LRRC37A: variants seen among roughly 807,000 people sequenced by gnomAD.
LRRC37A encodes leucine-rich repeat-containing protein 37A.
LRRC37A carries 3 observed loss-of-function variants against 35.4 expected under a neutral mutation model. The observed-to-expected ratio is 0.08, with a 90% CI of 0.04 to 0.22. The LOEUF is 0.22. LRRC37A is among the 10% of genes least tolerant of loss of function. The pLI, the probability that LRRC37A is intolerant of heterozygous loss-of-function variation, is 1.00. For missense variants in LRRC37A, 67 were observed against 565.3 expected, an observed-to-expected ratio of 0.12 and a Z score of 8.94; for synonymous variants, 23 against 215.0, an observed-to-expected ratio of 0.11 and a Z score of 7.81.
the LRRC37A span, among the ~76,000 whole-genome samples, chr17:46,269,264 T>G: frequency 6.6e-6 from 1 of 152,222 alleles, no homozygotes; most frequent in Non-Finnish European, 1.5e-5. Flanking sequence ...CCGGGCGCGG[T>G]GGCTCACACC....
At chr17:46,255,755 G>A in the LRRC37A span, among the ~76,000 whole-genome samples, 21,492 of 149,992 alleles carry the variant, frequency 0.14, 2,096 homozygotes, top group Middle Eastern at 0.22. Flanking sequence ...GGCTCACTGC[G>A]AGCTCTGCTT....
At chr17:46,259,619 C>T in the LRRC37A span, 1 of 1,604,532 alleles carries the variant, frequency 6.2e-7, no homozygotes, top group Middle Eastern at 1.8e-4. Flanking sequence ...TCACTGAGTG[C>T]CTGCAGCAGC....
the LRRC37A span, among the ~76,000 whole-genome samples, chr17:46,258,626 A>G: frequency 6.6e-6 from 1 of 152,198 alleles, no homozygotes; most frequent in South Asian, 2.1e-4. Context: ...GTATAGATAT[A>G]CAGTGGAATA....
chr17:46,316,242 G>T (rs1256719171), intron 5 of LRRC37A, among the ~76,000 whole-genome samples: 1 of 17,570 alleles, frequency 5.7e-5, no homozygotes, highest in African/African-American at 1.5e-4. Flanking sequence ...TTATTTCTTT[G>T]TGCAGATTCA....
chr17:46,273,373 C>T, the LRRC37A span, among the ~76,000 whole-genome samples: 2 of 152,108 alleles, frequency 1.3e-5, no homozygotes. Flanking sequence ...AGTTTGTAAA[C>T]ATAGGTTTAA....
At chr17:46,267,283 G>A in the LRRC37A span, 1 of 1,169,596 alleles carries the variant, frequency 8.5e-7, no homozygotes. Flanking sequence ...CCAGGGACTG[G>A]GAGAGGAACT....
chr17:46,279,018 G>A, the LRRC37A span, among the ~76,000 whole-genome samples: 18 of 151,846 alleles, frequency 1.2e-4, no homozygotes, highest in East Asian at 1.9e-4. Flanking sequence ...GGCTGGTCTC[G>A]AACTCCTGAT....
At chr17:46,269,427 GA>G in the LRRC37A span, among the ~76,000 whole-genome samples, 10 of 152,336 alleles carry the variant, frequency 6.6e-5, no homozygotes, top group African/African-American at 2.4e-4. Context: ...CCAGCTGAGG[GA>G]GGCTGAGGCA....
chr17:46,332,913 A>C (rs1199583942), intron 10 of LRRC37A, among the ~76,000 whole-genome samples: 2 of 151,434 alleles, frequency 1.3e-5, no homozygotes, highest in African/African-American at 4.9e-5. Context: ...AAGTCGATAT[A>C]ATAGCAAAAT....
At chr17:46,270,439 T>G in the LRRC37A span, among the ~76,000 whole-genome samples, 1 of 152,228 alleles carries the variant, frequency 6.6e-6, no homozygotes, top group Non-Finnish European at 1.5e-5. Flanking sequence ...TTTCCAAAAA[T>G]GAGTTTTGTC....
chr17:46,253,048 G>A, the LRRC37A span, among the ~76,000 whole-genome samples: 5 of 148,054 alleles, frequency 3.4e-5, 1 homozygote, highest in African/African-American at 7.3e-5. Context: ...GTTGCCGGGC[G>A]GAGGGGCTCC....
At chr17:46,278,049 G>A in the LRRC37A span, among the ~76,000 whole-genome samples, 1 of 152,110 alleles carries the variant, frequency 6.6e-6, no homozygotes, top group Admixed American at 6.5e-5. Flanking sequence ...ACGTTCAAGT[G>A]ATTCTTCTGC....
chr17:46,276,790 C>CTTTTCTTTTTTTTTTTTTTTTTTTT, the LRRC37A span, among the ~76,000 whole-genome samples: 2 of 134,320 alleles, frequency 1.5e-5, no homozygotes. Context: ...TTCTTTTTTT[C>CTTTTCTTTTTTTTTTTTTTTTTTTT]TTTTTTTTTT....
the LRRC37A span, among the ~76,000 whole-genome samples, chr17:46,279,265 C>A: frequency 5.3e-5 from 8 of 150,334 alleles, no homozygotes; most frequent in Non-Finnish European, 1.2e-4. Context: ...CTCACTGCAA[C>A]CTCCACGTCT....
At chr17:46,265,757 C>A in the LRRC37A span, among the ~76,000 whole-genome samples, 1 of 152,218 alleles carries the variant, frequency 6.6e-6, no homozygotes, top group African/African-American at 2.4e-5. Flanking sequence ...GGATTACAAG[C>A]ACGAGCCACC....
At chr17:46,263,854 CAA>C in the LRRC37A span, among the ~76,000 whole-genome samples, 31 of 96,208 alleles carry the variant, frequency 3.2e-4, no homozygotes, top group African/African-American at 8.8e-4. Context: ...GACTCTGTCT[CAA>C]AAAAAAAAAA....
the LRRC37A span, among the ~76,000 whole-genome samples, chr17:46,275,749 G>A: frequency 6.6e-6 from 1 of 152,234 alleles, no homozygotes; most frequent in Non-Finnish European, 1.5e-5. Context: ...AGGTGCGTGT[G>A]TGTGTGTATG....
chr17:46,252,408 G>A, the LRRC37A span, among the ~76,000 whole-genome samples: 1 of 144,314 alleles, frequency 6.9e-6, no homozygotes, highest in Non-Finnish European at 1.6e-5. Flanking sequence ...ATCATTCTTG[G>A]GTGTTTCTCG....
the LRRC37A span, among the ~76,000 whole-genome samples, chr17:46,285,401 C>T: frequency 3.9e-5 from 6 of 152,028 alleles, no homozygotes; most frequent in African/African-American, 1.2e-4. Flanking sequence ...CCACCACACC[C>T]GACTAGTTTT....
Sources: allele counts gnomAD v4.1 joint callset (sites outside exome capture counted in the v4.1 genomes callset), GRCh38; gene constraint gnomAD v4.1.1; transcripts MANE v1.5; gene names NCBI Gene and HGNC (gene_info 2026-07-23, HGNC 2026-07-21).